Variants in CACNA2D1 observed in about 807,000 individuals in gnomAD.
CACNA2D1 encodes the protein calcium voltage-gated channel auxiliary subunit alpha2delta 1, also known as voltage-dependent calcium channel subunit alpha-2/delta-1.
Under a neutral mutation model 171.5 loss-of-function variants are expected in CACNA2D1, and 53 were observed. That is an observed-to-expected ratio of 0.31 (90% CI 0.25 to 0.39). CACNA2D1 has a LOEUF of 0.39. CACNA2D1 is among the 10% of genes least tolerant of loss of function. The pLI is 1.00. For synonymous variants in CACNA2D1, 442 were observed against 443.1 expected (o/e 1.00, Z 0.03); for missense variants, 903 against 1,299.8 (o/e 0.69, Z 4.69).
At chr7:82,291,661 A>AT (rs566911222) in intron 3 of CACNA2D1, among the ~76,000 whole-genome samples, 7,442 of 135,698 alleles carry the variant, frequency 0.055, 646 homozygotes, top group African/African-American at 0.2. Flanking sequence ...ATATATATAT[A>AT]TTTTTTTTTC....
chr7:82,099,542 C>G (rs1812408480), intron 6 of CACNA2D1, among the ~76,000 whole-genome samples: 1 of 83,996 alleles, frequency 1.2e-5, no homozygotes, highest in African/African-American at 4.0e-5. Context: ...CTCCGCCTCC[C>G]GGGTTCACGC....
chr7:81,968,749 A>T, intron 29 of CACNA2D1, 138 bp downstream of exon 29: 1 of 612,420 alleles, frequency 1.6e-6, no homozygotes, highest in Non-Finnish European at 2.9e-6. Context: ...TATTTTATTT[A>T]ATTTTTTTAA....
rs140464503 is a variant in CACNA2D1 at position 82,438,319 on chromosome 7, T to C, written c.95+5046A>G. ...AAAGTTTTAAAAATATGTATGGACA[T>C]ACACACGTATATATGTGTATTTGCA... On this transcript the variant is annotated intron_variant, in intron 1 of 38. Coordinates refer to ENST00000356860, the MANE Select transcript of CACNA2D1 (RefSeq NM_000722.4). Among the ~76,000 whole-genome samples, 1,520 of 152,284 alleles carry C rather than the reference T, an allele frequency of 1.0e-2. 11 individuals carry two copies. The highest frequency in any genetic ancestry group is 0.017 in the Middle Eastern group (5 of 294).
At chr7:81,955,148 C>G (rs1793075708) in intron 38 of CACNA2D1, among the ~76,000 whole-genome samples, 2 of 152,076 alleles carry the variant, frequency 1.3e-5, no homozygotes, top group Non-Finnish European at 2.9e-5. Flanking sequence ...CACTTGAGTT[C>G]TGATGAAGTC....
At chr7:82,278,676 C>G (rs185208103) in intron 3 of CACNA2D1, among the ~76,000 whole-genome samples, 1 of 151,746 alleles carries the variant, frequency 6.6e-6, no homozygotes, top group Non-Finnish European at 1.5e-5. Flanking sequence ...ACTCATGAAC[C>G]CTTTTATTTC....
chr7:81,961,291 C>A (rs374257953), intron 36 of CACNA2D1, among the ~76,000 whole-genome samples: 102 of 152,078 alleles, frequency 6.7e-4, no homozygotes, highest in African/African-American at 2.4e-3. Context: ...AAATTAAATT[C>A]TCCATCTCTT....
chr7:81,946,764 A>G lies in CACNA2D1; in HGVS notation c.*3628T>C, dbSNP rs1402574817. ...AGGTCACATTATAAACTCAACTGGC[A>G]TCTACACAAGACAGTATCCCATTAG... On this transcript the variant is annotated 3_prime_UTR_variant, in exon 39 of 39. Transcript: ENST00000356860. 6.6e-6 allele frequency: 1 copy of G among 152,064 alleles called. No homozygotes were observed. The highest frequency in any genetic ancestry group is 2.4e-5 in the African/African-American group (1 of 41,404). 9.4% of individuals were successfully genotyped at this position (152,064 alleles called of 1,614,324 possible).
chr7:82,319,753 TG>T, intron 3 of CACNA2D1, among the ~76,000 whole-genome samples: 1 of 152,342 alleles, frequency 6.6e-6, no homozygotes, highest in Middle Eastern at 3.4e-3. Flanking sequence ...CAGGGGTGAC[TG>T]GTTCACAATA....
chr7:82,365,738 G>T (rs1336579896), intron 1 of CACNA2D1, among the ~76,000 whole-genome samples: 1 of 152,196 alleles, frequency 6.6e-6, no homozygotes, highest in Non-Finnish European at 1.5e-5. Flanking sequence ...ATACTGAAGA[G>T]CTATACGTTA....
chr7:82,327,717 C>T (rs763703230), intron 3 of CACNA2D1, among the ~76,000 whole-genome samples: 3 of 152,218 alleles, frequency 2.0e-5, no homozygotes, highest in East Asian at 1.9e-4. Flanking sequence ...AGCTCAAACA[C>T]GGTGATTTCA....
chr7:82,106,317 ATT>A (rs1787755655), intron 6 of CACNA2D1, among the ~76,000 whole-genome samples: 2 of 151,922 alleles, frequency 1.3e-5, no homozygotes, highest in African/African-American at 4.8e-5. Context: ...TCCCTTTTTA[ATT>A]TGCTGTGAAC....
chr7:81,983,211 C>A, intron 23 of CACNA2D1, 103 bp downstream of exon 23: 1 of 983,268 alleles, frequency 1.0e-6, no homozygotes, highest in Non-Finnish European at 1.6e-6. Flanking sequence ...GAAAATTTAG[C>A]AAATGAGAAG....
At chr7:82,235,204 C>T (rs1307095960) in intron 3 of CACNA2D1, among the ~76,000 whole-genome samples, 1 of 151,840 alleles carries the variant, frequency 6.6e-6, no homozygotes, top group Non-Finnish European at 1.5e-5. Context: ...AAGCAATAAA[C>T]GTTTTGTTCA....
At chr7:82,373,167 G>A (rs989757562) in intron 1 of CACNA2D1, among the ~76,000 whole-genome samples, 2 of 152,008 alleles carry the variant, frequency 1.3e-5, no homozygotes, top group African/African-American at 4.8e-5. Flanking sequence ...CAGGGTGACA[G>A]AGTGAGACAC....
At chr7:82,014,596 G>C in intron 12 of CACNA2D1, 117 bp from the exon 13 acceptor site, 2 of 685,318 alleles carry the variant, frequency 2.9e-6, no homozygotes, top group East Asian at 2.7e-5. Flanking sequence ...GATATGACAA[G>C]AAAAACTGAG....
intron 5 of CACNA2D1, among the ~76,000 whole-genome samples, chr7:82,122,054 T>C (rs973324786): frequency 2.0e-5 from 3 of 152,178 alleles, no homozygotes; most frequent in Non-Finnish European, 4.4e-5. Context: ...TGTATTATTC[T>C]ACTAATAATT....
intron 1 of CACNA2D1, among the ~76,000 whole-genome samples, chr7:82,379,815 A>G (rs2129449180): frequency 6.6e-6 from 1 of 152,214 alleles, no homozygotes; most frequent in Non-Finnish European, 1.5e-5. Flanking sequence ...GAATTATCTC[A>G]TGTGTACTAT....
chr7:82,291,245 A>G (rs1473978905), intron 3 of CACNA2D1, among the ~76,000 whole-genome samples: 1 of 141,640 alleles, frequency 7.1e-6, no homozygotes. Flanking sequence ...TTCTATATAT[A>G]ATATATATAC....
chr7:82,261,918 T>C (rs1296537419), intron 3 of CACNA2D1, among the ~76,000 whole-genome samples: 1 of 152,218 alleles, frequency 6.6e-6, no homozygotes, highest in East Asian at 1.9e-4. Context: ...GTTTCCATAC[T>C]GACAAATACC....
Sources: gnomAD v4.1 joint callset for allele counts (sites outside exome capture counted in the v4.1 genomes callset) on GRCh38, gnomAD v4.1.1 for gene constraint, MANE v1.5 for transcripts, NCBI Gene and HGNC (gene_info 2026-07-23, HGNC 2026-07-21) for gene names.